RNF152: variants seen among roughly 807,000 people sequenced by gnomAD.
The protein encoded by RNF152 is E3 ubiquitin-protein ligase RNF152.
In RNF152, 11 loss-of-function variants were observed where a neutral mutation model predicts 12.7. The ratio of observed to expected loss-of-function variants is 0.86; its 90% confidence interval spans 0.54 to 1.43. RNF152 has a LOEUF of 1.43. RNF152 is among the 40% of genes most tolerant of loss of function. The probability of loss-of-function intolerance (pLI) is 0.00; values close to 1 mark genes in which losing one functional copy is unlikely to be tolerated. For missense variants in RNF152, 255 were observed against 274.8 expected, an observed-to-expected ratio of 0.93 and a Z score of 0.51; for synonymous variants, 113 against 120.3, an observed-to-expected ratio of 0.94 and a Z score of 0.40.
intron 1 of RNF152, among the ~76,000 whole-genome samples, chr18:61,846,786 A>C (rs913588804): frequency 7.2e-5 from 11 of 152,188 alleles, no homozygotes; most frequent in Admixed American, 2.6e-4. Flanking sequence ...TTAGTAACAA[A>C]GCCAGACAAT....
chr18:61,815,688 C>A lies in RNF152; in HGVS notation c.*164G>T, dbSNP rs1418922626. On this transcript the variant is annotated 3_prime_UTR_variant, in exon 2 of 2. Transcript: ENST00000312828. ...CACCTGGTATCTTGTTGAGACCGCACCTTCTGCCCTTTGTGTCTGTCTTGG... is the reference window on the plus strand; with the variant it reads ...CACCTGGTATCTTGTTGAGACCGCAACTTCTGCCCTTTGTGTCTGTCTTGG... 5.8e-6 allele frequency: 4 copies of A among 683,898 alleles called. No homozygotes were observed. The highest frequency in any genetic ancestry group is 9.9e-6 in the Non-Finnish European group (4 of 404,236). The allele number at this position is 683,898 out of a possible 1,614,324, so 42.4% of individuals were successfully genotyped here. A position where few individuals can be genotyped will look rare whatever the true frequency, so the allele number is the denominator to read the frequency against.
intron 1 of RNF152, among the ~76,000 whole-genome samples, chr18:61,819,976 G>A (rs1407347228): frequency 7.1e-6 from 1 of 141,746 alleles, no homozygotes; most frequent in Non-Finnish European, 1.5e-5. Flanking sequence ...AGGCAACATC[G>A]CACCACTGCA....
At chr18:61,821,352 C>G (rs1428104095) in intron 1 of RNF152, among the ~76,000 whole-genome samples, 6 of 152,164 alleles carry the variant, frequency 3.9e-5, no homozygotes, top group African/African-American at 1.4e-4. Context: ...GATTTATGCA[C>G]TGATTTGTTC....
chr18:61,879,809 T>C (rs963110345), intron 1 of RNF152, among the ~76,000 whole-genome samples: 6 of 151,086 alleles, frequency 4.0e-5, no homozygotes, highest in Admixed American at 2.0e-4. Context: ...ACTGAAAAAA[T>C]ACAAAATTAG....
At chr18:61,850,102 G>A (rs935610597) in intron 1 of RNF152, among the ~76,000 whole-genome samples, 2 of 152,128 alleles carry the variant, frequency 1.3e-5, no homozygotes, top group African/African-American at 2.4e-5. Flanking sequence ...TCTACCTAAG[G>A]CAATAATACG....
At chr18:61,825,448 A>G (rs1410676306) in intron 1 of RNF152, among the ~76,000 whole-genome samples, 1 of 152,256 alleles carries the variant, frequency 6.6e-6, no homozygotes, top group South Asian at 2.1e-4. Flanking sequence ...TTTCCACTCC[A>G]GAGATACTGG....
At chr18:61,826,721 C>G (rs907832219) in intron 1 of RNF152, among the ~76,000 whole-genome samples, 2 of 152,182 alleles carry the variant, frequency 1.3e-5, no homozygotes, top group Non-Finnish European at 2.9e-5. Flanking sequence ...TTTCCATTAG[C>G]CCTTCCCTGA....
chr18:61,889,775 C>A (rs535538380), intron 1 of RNF152, among the ~76,000 whole-genome samples: 9 of 152,196 alleles, frequency 5.9e-5, no homozygotes, highest in Non-Finnish European at 1.3e-4. Context: ...GAGGCCACCT[C>A]CTGGGTGGCC....
chr18:61,854,192 A>T (rs1911114489), intron 1 of RNF152, among the ~76,000 whole-genome samples: 1 of 152,210 alleles, frequency 6.6e-6, no homozygotes, highest in Non-Finnish European at 1.5e-5. Context: ...TCACTCAGTT[A>T]TCTCTGCTTC....
At chr18:61,878,508 C>T (rs1218838289) in intron 1 of RNF152, among the ~76,000 whole-genome samples, 2 of 152,188 alleles carry the variant, frequency 1.3e-5, no homozygotes, top group African/African-American at 2.4e-5. Flanking sequence ...CTTGTTTGAG[C>T]CTCCATTCAT....
At chr18:61,887,158 C>G (rs1912736410) in intron 1 of RNF152, among the ~76,000 whole-genome samples, 1 of 152,146 alleles carries the variant, frequency 6.6e-6, no homozygotes, top group Non-Finnish European at 1.5e-5. Context: ...TTGGGGTCAA[C>G]CTGGGGAAAA....
chr18:61,885,171 A>T (rs1361057336), intron 1 of RNF152, among the ~76,000 whole-genome samples: 1 of 152,182 alleles, frequency 6.6e-6, no homozygotes, highest in Non-Finnish European at 1.5e-5. Flanking sequence ...ACCACTTCTA[A>T]TCTCATATTA....
intron 1 of RNF152, among the ~76,000 whole-genome samples, chr18:61,862,195 CT>C (rs1212285920): frequency 1.3e-5 from 2 of 152,004 alleles, no homozygotes; most frequent in Non-Finnish European, 1.5e-5. Context: ...CCTGACCCCC[CT>C]ATCTCCTCTC....
chr18:61,856,523 T>C (rs1489944433), intron 1 of RNF152, among the ~76,000 whole-genome samples: 1 of 152,172 alleles, frequency 6.6e-6, no homozygotes, highest in East Asian at 1.9e-4. Flanking sequence ...AGGACCCTTC[T>C]AGCCACCAAG....
In RNF152 at chr18:61,809,000, T is replaced by C. The variant is rs1475386511; in HGVS notation, c.*6852A>G. ...AAGCATCCTGAATTGAACTTGGTAG[T>C]CCGTACTGGAATGACAGATTGTGCT... On this transcript the variant is annotated 3_prime_UTR_variant, in exon 2 of 2. Coordinates refer to ENST00000312828, the MANE Select transcript of RNF152 (RefSeq NM_173557.3). 1.3e-5 allele frequency: 2 copies of C among 152,282 alleles called. No homozygotes were observed. The highest frequency in any genetic ancestry group is 2.9e-5 in the Non-Finnish European group (2 of 68,098). The allele number at this position is 152,282 out of a possible 1,614,324, so 9.4% of individuals were successfully genotyped here.
At chr18:61,852,716 G>T (rs1039866969) in intron 1 of RNF152, among the ~76,000 whole-genome samples, 5 of 152,126 alleles carry the variant, frequency 3.3e-5, no homozygotes, top group African/African-American at 1.2e-4. Flanking sequence ...TGTCTTGGGG[G>T]TGCTGCCTGG....
At position 61,816,283 on chromosome 18, in the gene RNF152, G is replaced by C; in HGVS notation, c.181C>G (p.Pro61Ala). The change falls in exon 2 of 2, where the codon CCT (proline) becomes GCT (alanine). Residue 61 changes from proline (P) to alanine (A), a missense_variant. Physicochemically the swap from Pro to Ala is conservative, Grantham distance 27. Transcript: ENST00000312828. The part of the protein sequence containing the change: ...CPWCRGVTKL[P>A]PGFSVSQLPD... ...AGCTGCGACACGGAGAAGCCGGGAGGCAGCTTGGTGACACCGCGGCACCAG... is the reference window on the plus strand; with the variant it reads ...AGCTGCGACACGGAGAAGCCGGGAGCCAGCTTGGTGACACCGCGGCACCAG... The C allele has an allele frequency of 1.2e-6, 2 of 1,614,222 alleles. No individual in the cohort carries two copies. Among genetic ancestry groups the C allele is most frequent in the Non-Finnish European group, 1.7e-6 (2 of 1,180,042 alleles).
intron 1 of RNF152, among the ~76,000 whole-genome samples, chr18:61,886,610 C>A (rs1406272107): frequency 1.3e-5 from 2 of 152,224 alleles, no homozygotes; most frequent in Non-Finnish European, 2.9e-5. Context: ...GTGCCCCCAA[C>A]CCTCTCCTGC....
chr18:61,844,873 A>AC (rs1200469286), intron 1 of RNF152, among the ~76,000 whole-genome samples: 1 of 151,914 alleles, frequency 6.6e-6, no homozygotes, highest in African/African-American at 2.4e-5. Context: ...TTTAAAACAA[A>AC]AAAAAAAAAG....
Sources: allele counts gnomAD v4.1 joint callset (sites outside exome capture counted in the v4.1 genomes callset), GRCh38; gene constraint gnomAD v4.1.1; transcripts MANE v1.5; gene names NCBI Gene and HGNC (gene_info 2026-07-23, HGNC 2026-07-21).